The following KATNIP variants were observed in gnomAD, a reference collection of about 807,000 sequenced individuals.
KATNIP encodes the protein katanin-interacting protein.
In KATNIP, 126 loss-of-function variants were observed where a neutral mutation model predicts 174.0. That is an observed-to-expected ratio of 0.72 (90% CI 0.63 to 0.84). The LOEUF (loss-of-function observed/expected upper bound fraction) is 0.84, where lower values mean the gene tolerates loss of function less well. KATNIP is among the 40% of genes least tolerant of loss of function. The pLI is 0.00. For missense variants in KATNIP, 1,958 were observed against 2,109.7 expected (o/e 0.93, Z 1.41); for synonymous variants, 810 against 835.7 (o/e 0.97, Z 0.53).
chr16:27,649,210 C>T (rs1192277179), intron 6 of KATNIP, among the ~76,000 whole-genome samples: 1 of 152,208 alleles, frequency 6.6e-6, no homozygotes, highest in Non-Finnish European at 1.5e-5. Context: ...GAATACCACC[C>T]GCAGGGCGGC....
chr16:27,621,383 A>G (rs184978403), intron 3 of KATNIP, among the ~76,000 whole-genome samples: 8 of 152,188 alleles, frequency 5.3e-5, no homozygotes, highest in Admixed American at 2.0e-4. Context: ...TCCATTTTCT[A>G]TACCCTCGTT....
intron 21 of KATNIP, among the ~76,000 whole-genome samples, chr16:27,770,658 G>A (rs1419910646): frequency 2.6e-5 from 4 of 152,200 alleles, no homozygotes; most frequent in Non-Finnish European, 4.4e-5. Flanking sequence ...CACTGACAGC[G>A]GACCAGGGAG....
chr16:27,777,070 C>T lies in KATNIP; in HGVS notation c.4551+41C>T, dbSNP rs774185639. The T allele has an allele frequency of 9.2e-6, 12 of 1,298,786 alleles. No individual in the cohort carries two copies. Among genetic ancestry groups the T allele is most frequent in the African/African-American group, 4.4e-5 (3 of 68,492 alleles). 80.5% of individuals were successfully genotyped at this position (1,298,786 alleles called of 1,614,324 possible). ...CTGAGTTTTTTGAGATAATTATGCT[C>T]GTTGGTAATTAGGCCGCCGGCAATT... On this transcript the variant is annotated intron_variant, in intron 25 of 27. Transcript: ENST00000261588. This position sits in a 1 kb window ranked among gnomAD's most constrained non-coding sequence, Gnocchi z 4.4.
chr16:27,726,042 A>G (rs1234031716), intron 14 of KATNIP, among the ~76,000 whole-genome samples: 1 of 152,114 alleles, frequency 6.6e-6, no homozygotes, highest in East Asian at 1.9e-4. Flanking sequence ...ACCAGACTGC[A>G]CAGTAGGAGG....
intron 6 of KATNIP, among the ~76,000 whole-genome samples, chr16:27,655,792 G>C (rs890002471): frequency 7.2e-5 from 11 of 152,224 alleles, no homozygotes; most frequent in African/African-American, 2.6e-4. Flanking sequence ...CCTGCTGGAA[G>C]CCCAGGCTCA....
At chr16:27,612,580 G>A (rs1479018852) in intron 2 of KATNIP, among the ~76,000 whole-genome samples, 1 of 151,704 alleles carries the variant, frequency 6.6e-6, no homozygotes, top group Non-Finnish European at 1.5e-5. Flanking sequence ...CCAACATGGT[G>A]AAACCCCGTC....
intron 6 of KATNIP, among the ~76,000 whole-genome samples, chr16:27,653,437 A>G (rs2077176082): frequency 6.7e-6 from 1 of 150,258 alleles, no homozygotes; most frequent in Non-Finnish European, 1.5e-5. Flanking sequence ...GCCCCCAGCC[A>G]GACTCTGCAG....
At chr16:27,775,706 C>T (rs2082471723) in intron 24 of KATNIP, among the ~76,000 whole-genome samples, 2 of 152,196 alleles carry the variant, frequency 1.3e-5, no homozygotes, top group African/African-American at 4.8e-5. Context: ...AGCCCCCCTG[C>T]AGCCTCTCAG....
At chr16:27,587,044 G>A (rs1427618930) in intron 2 of KATNIP, among the ~76,000 whole-genome samples, 1 of 151,890 alleles carries the variant, frequency 6.6e-6, no homozygotes, top group Admixed American at 6.6e-5. Flanking sequence ...GGCAGGCAAG[G>A]CAGGAGGCTG....
intron 2 of KATNIP, among the ~76,000 whole-genome samples, chr16:27,582,265 T>TA (rs755989522): frequency 2.4e-4 from 37 of 152,190 alleles, no homozygotes; most frequent in Non-Finnish European, 4.7e-4. Context: ...TTGCTTTGTT[T>TA]TAAAAAAAGT....
intron 1 of KATNIP, among the ~76,000 whole-genome samples, chr16:27,566,365 C>A (rs2090088380): frequency 6.6e-6 from 1 of 152,058 alleles, no homozygotes; most frequent in Non-Finnish European, 1.5e-5. Context: ...ATGGCAAAAC[C>A]CAGTCTCTAC....
At position 27,777,561 on chromosome 16, in the gene KATNIP, C is replaced by T. The variant is rs775301865; in HGVS notation, c.4552-49C>T. On this transcript the variant is annotated intron_variant, in intron 25 of 27. Coordinates refer to ENST00000261588, the MANE Select transcript of KATNIP (RefSeq NM_015202.5). The surrounding 1 kb of genome is among the most constrained non-coding windows in gnomAD (Gnocchi z 4.4). Reference sequence around the variant, plus strand: ...AGTAACGCGTTCTGCCCAAGGTCAACGTGGGAGGGACGAGGGGGACCCATG... The same window carrying T: ...AGTAACGCGTTCTGCCCAAGGTCAATGTGGGAGGGACGAGGGGGACCCATG... The T allele has an allele frequency of 2.0e-5, 31 of 1,546,206 alleles. No individual in the cohort carries two copies. The East Asian group carries it at 3.2e-4, about 16-fold the overall frequency.
Position 27,721,662 on chromosome 16 carries a change from G to A in KATNIP, c.1710G>A (p.Lys570=), listed in dbSNP as rs200347925. ...AGCTGGGGGACTTCCATCTGGCCAA[G>A]ATCAAGGTTCGGAATTACTGGACAG... ...TRQLGDFHLA[K]IKVRNYWTAD... The change falls in exon 14 of 28, where the codon AAG becomes AAA. Residue 570 remains lysine (K), a synonymous_variant. Coordinates refer to ENST00000261588, the MANE Select transcript of KATNIP (RefSeq NM_015202.5). The A allele has an allele frequency of 1.2e-5, 20 of 1,614,088 alleles. No individual in the cohort carries two copies. Among genetic ancestry groups the A allele is most frequent in the Non-Finnish European group, 1.6e-5 (19 of 1,180,054 alleles).
chr16:27,604,274 A>T (rs1002091857), intron 2 of KATNIP, among the ~76,000 whole-genome samples: 4 of 151,914 alleles, frequency 2.6e-5, no homozygotes, highest in Non-Finnish European at 5.9e-5. Flanking sequence ...ACTTTTAAAA[A>T]TTTTTAGTAG....
chr16:27,744,113 A>G (rs183014908), intron 15 of KATNIP, among the ~76,000 whole-genome samples: 1 of 152,338 alleles, frequency 6.6e-6, no homozygotes, highest in Admixed American at 6.5e-5. Context: ...CATTACCCAG[A>G]GCCAAATACC....
intron 2 of KATNIP, chr16:27,574,337 T>A (rs1388774010): frequency 8.5e-6 from 2 of 235,150 alleles, no homozygotes; most frequent in African/African-American, 4.6e-5. Context: ...GTTTCTGCAG[T>A]TCATGGCTGT....
At chr16:27,642,955 G>A (rs2076847767) in intron 5 of KATNIP, among the ~76,000 whole-genome samples, 1 of 152,072 alleles carries the variant, frequency 6.6e-6, no homozygotes, top group South Asian at 2.1e-4. Flanking sequence ...GGGCAGTACA[G>A]CATGGTGATT....
chr16:27,585,227 G>A (rs1424781282), intron 2 of KATNIP, among the ~76,000 whole-genome samples: 1 of 152,120 alleles, frequency 6.6e-6, no homozygotes. Context: ...AAACTACAAT[G>A]AGATATCATC....
At chr16:27,572,362 A>AACACACACACACACACACAC (rs3056269) in intron 1 of KATNIP, among the ~76,000 whole-genome samples, 59 of 138,142 alleles carry the variant, frequency 4.3e-4, no homozygotes, top group African/African-American at 1.2e-3. Flanking sequence ...CAAAAAAGAA[A>AACACACACACACACACACAC]ACACACACAC....
Sources: allele counts gnomAD v4.1 joint callset (sites outside exome capture counted in the v4.1 genomes callset), GRCh38; gene constraint gnomAD v4.1.1; non-coding constraint Gnocchi (gnomAD v3.1); transcripts MANE v1.5; gene names NCBI Gene and HGNC (gene_info 2026-07-23, HGNC 2026-07-21).